SGCA: variants seen among roughly 807,000 people sequenced by gnomAD.
SGCA encodes alpha-sarcoglycan.
SGCA carries 34 observed loss-of-function variants against 38.1 expected under a neutral mutation model. That is an observed-to-expected ratio of 0.89 (90% confidence interval 0.68 to 1.19). SGCA has a LOEUF of 1.19. SGCA is among the 50% of genes most tolerant of loss of function. The pLI, the probability that SGCA is intolerant of heterozygous loss-of-function variation, is 0.00. For synonymous variants in SGCA, 209 were observed against 214.6 expected, an observed-to-expected ratio of 0.97 and a Z score of 0.23; for missense variants, 476 against 524.9, an observed-to-expected ratio of 0.91 and a Z score of 0.91.
At chr17:50,170,970 A>G (rs1382648860) in intron 8 of SGCA, among the ~76,000 whole-genome samples, 1 of 152,156 alleles carries the variant, frequency 6.6e-6, no homozygotes, top group East Asian at 1.9e-4. Flanking sequence ...AGGCTGAGAT[A>G]GGAGAATCGC....
intron 6 of SGCA, chr17:50,169,708 A>G (rs1905221180): frequency 3.0e-6 from 1 of 331,072 alleles, no homozygotes; most frequent in African/African-American, 2.1e-5. Flanking sequence ...CTCTTTGGAT[A>G]CTGAGCTGAG....
At chr17:50,174,653 T>C in intron 8 of SGCA, among the ~76,000 whole-genome samples, 1 of 151,120 alleles carries the variant, frequency 6.6e-6, no homozygotes, top group East Asian at 2.0e-4. Flanking sequence ...GGCCTGGTGG[T>C]AGGTGTTATT....
chr17:50,175,621 A>G lies in SGCA; in HGVS notation c.*13-91A>G. On this transcript the variant is annotated intron_variant, in intron 9 of 9. Transcript: ENST00000262018. ...CACCAGTGCCAGGGCTATGACCCCA[A>G]TGCCAAGCACTCGCAGTTGGAGTGT... is the stretch of plus-strand genomic sequence containing the variant. 5.7e-6 allele frequency: 4 copies of G among 705,656 alleles called. No homozygotes were observed. In the Admixed American group the frequency reaches 6.0e-5, roughly 11 times the overall value. 43.7% of individuals were successfully genotyped at this position (705,656 alleles called of 1,614,324 possible). A position where few individuals can be genotyped will look rare whatever the true frequency, so the allele number is the denominator to read the frequency against.
Position 50,175,879 on chromosome 17 carries a change from T to C in SGCA, c.*180T>C. The C allele has an allele frequency of 2.2e-6, 1 of 461,676 alleles. No homozygotes were observed. The highest frequency in any genetic ancestry group is 1.5e-5 in the South Asian group (1 of 64,598). 28.6% of individuals were successfully genotyped at this position (461,676 alleles called of 1,614,324 possible). ...GTGTGTGGAGTAAGGACATTCAGAA[T>C]AAATATCTGCTGCTCTGCTCACCAA... On this transcript the variant is annotated 3_prime_UTR_variant, in exon 10 of 10. Transcript: ENST00000262018.
chr17:50,167,831 C>A lies in SGCA; in HGVS notation c.312+95C>A. ...TTGGGATTGGGTGCTCATTCACAGTCATTTACATATAATTTACATACCTCT... is the reference window on the plus strand; with the variant it reads ...TTGGGATTGGGTGCTCATTCACAGTAATTTACATATAATTTACATACCTCT... On this transcript the variant is annotated intron_variant, in intron 3 of 9. Coordinates refer to ENST00000262018, the MANE Select transcript of SGCA (RefSeq NM_000023.4). The surrounding 1 kb of genome is among the most constrained non-coding windows in gnomAD (Gnocchi z 4.5). The A allele has an allele frequency of 6.5e-7, 1 of 1,541,448 alleles. No homozygotes were observed. Among genetic ancestry groups the A allele is most frequent in the South Asian group, 1.1e-5 (1 of 89,520 alleles).
chr17:50,167,016 C>T lies in SGCA; in HGVS notation c.38-352C>T, dbSNP rs1231021896. 6.9e-6 allele frequency among the ~76,000 whole-genome samples: 1 copy of T among 144,698 alleles called. No individual in the cohort carries two copies. Among genetic ancestry groups the T allele is most frequent in the African/African-American group, 2.6e-5 (1 of 39,068 alleles). 94.9% of individuals were successfully genotyped at this position (144,698 alleles called of 152,430 possible). Reference sequence around the variant, plus strand: ...ACATCCTCACAGACCCTCACACATACCTTCACACACACACCCCCCCACATC... The same window carrying T: ...ACATCCTCACAGACCCTCACACATATCTTCACACACACACCCCCCCACATC... On this transcript the variant is annotated intron_variant, in intron 1 of 9. Coordinates refer to ENST00000262018, the MANE Select transcript of SGCA (RefSeq NM_000023.4). This position sits in a 1 kb window ranked among gnomAD's most constrained non-coding sequence, Gnocchi z 4.5.
intron 8 of SGCA, 170 bp from the exon 9 acceptor site, chr17:50,175,087 A>G: frequency 1.4e-6 from 1 of 715,016 alleles, no homozygotes; most frequent in Non-Finnish European, 2.5e-6. Context: ...ATGAGCCACC[A>G]CGCCCGGCCC....
rs769688229 is a variant in SGCA, at chr17:50,170,184, C to A, written c.789C>A (p.Thr263=). ...SVPEPADEVP[T]PGDGILEHDP... is the part of the protein sequence containing the mutation. ...CGGAGCCTGCAGATGAGGTGCCCACCCCAGGTGATGGGATCCTGGAGCATG... is the reference window on the plus strand; with the variant it reads ...CGGAGCCTGCAGATGAGGTGCCCACACCAGGTGATGGGATCCTGGAGCATG... The change falls in exon 7 of 10, where the codon ACC becomes ACA. Residue 263 remains threonine (T), a synonymous_variant. Transcript: ENST00000262018. The A allele has an allele frequency of 8.7e-6, 14 of 1,613,998 alleles. No individual in the cohort carries two copies. The African/African-American group carries it at 1.6e-4, about 18-fold the overall frequency.
Position 50,167,036 on chromosome 17 carries a change from C to A in SGCA, c.38-332C>A, listed in dbSNP as rs905362655. 3.3e-5 allele frequency among the ~76,000 whole-genome samples: 5 copies of A among 149,652 alleles called. No individual in the cohort carries two copies. The highest frequency in any genetic ancestry group is 1.3e-4 in the Admixed American group (2 of 15,024). On this transcript the variant is annotated intron_variant, in intron 1 of 9. Transcript: ENST00000262018. This position sits in a 1 kb window ranked among gnomAD's most constrained non-coding sequence, Gnocchi z 4.5. ...ACATACCTTCACACACACACCCCCC[C>A]ACATCCCCTCACACACACACACACC...
At chr17:50,171,913 G>A (rs1905451038) in intron 8 of SGCA, 2 of 456,778 alleles carry the variant, frequency 4.4e-6, no homozygotes, top group South Asian at 3.1e-5. Context: ...TGGCACAGGT[G>A]CGTTGCCCAG....
Position 50,167,532 on chromosome 17 carries a change from C to G in SGCA, c.157+45C>G. The stretch of plus-strand genomic sequence containing the variant: ...CCCAGGCGGGCGGGCTGGGGTGTAC[C>G]CCGCAGGGCTCCTGCTGTGACTCGA... On this transcript the variant is annotated intron_variant, in intron 2 of 9. Transcript: ENST00000262018. The surrounding 1 kb of genome is among the most constrained non-coding windows in gnomAD (Gnocchi z 4.5). The G allele has an allele frequency of 6.2e-7, 1 of 1,614,046 alleles. No homozygotes were observed. The highest frequency in any genetic ancestry group is 8.5e-7 in the Non-Finnish European group (1 of 1,180,014).
intron 8 of SGCA, chr17:50,171,441 G>A (rs965659794): frequency 2.2e-6 from 1 of 452,088 alleles, no homozygotes; most frequent in African/African-American, 2.0e-5. Flanking sequence ...AATAAGTTAT[G>A]TTCCTTTTAT....
chr17:50,174,842 A>T (rs1335115395), intron 8 of SGCA, among the ~76,000 whole-genome samples: 1 of 151,348 alleles, frequency 6.6e-6, no homozygotes, highest in Non-Finnish European at 1.5e-5. Flanking sequence ...TTACTTTGAG[A>T]TGGAGTCTCT....
intron 8 of SGCA, chr17:50,171,527 A>G (rs1427445838): frequency 2.8e-5 from 13 of 456,668 alleles, no homozygotes; most frequent in Middle Eastern, 3.2e-4. Flanking sequence ...TTGCAGTGGC[A>G]CTTGGCCACC....
At chr17:50,168,084 G>C in intron 4 of SGCA, 65 bp downstream of exon 4, 2 of 1,472,866 alleles carry the variant, frequency 1.4e-6, no homozygotes, top group Non-Finnish European at 1.9e-6. Context: ...CTCCCGGAGG[G>C]GGAGGGGGCT....
intron 4 of SGCA, 85 bp from the exon 5 acceptor site, chr17:50,168,289 G>C (rs1179410789): frequency 2.5e-6 from 3 of 1,204,726 alleles, no homozygotes; most frequent in Admixed American, 2.0e-5. Flanking sequence ...GGGGTGTGCA[G>C]GGATGTGGGG....
At position 50,167,369 on chromosome 17, in the gene SGCA, TCTC is replaced by T. The variant is rs1345929320; in HGVS notation, c.42_44del (p.Leu15del). 6.2e-7 allele frequency: 1 copy of T among 1,613,930 alleles called. No homozygotes were observed. The highest frequency in any genetic ancestry group is 8.5e-7 in the Non-Finnish European group (1 of 1,179,956). On this transcript the variant is annotated inframe_deletion and splice_region_variant, in exon 2 of 10. Transcript: ENST00000262018. This position sits in a 1 kb window ranked among gnomAD's most constrained non-coding sequence, Gnocchi z 4.5. ...TTGGGACTTGTGGGGTCCCCACAGT[TCTC>T]CTGGCAGGGCTGGGGGACACCGAGG...
chr17:50,167,315 C>T lies in SGCA; in HGVS notation c.38-53C>T, dbSNP rs1419592289. ...CTTGGTGGGGAAGGGAGCTTATCCC[C>T]TGCCCAGGACTGAGGCTGGCCTGTG... On this transcript the variant is annotated intron_variant, in intron 1 of 9. Transcript: ENST00000262018. The surrounding 1 kb of genome is among the most constrained non-coding windows in gnomAD (Gnocchi z 4.5). 5 of 1,612,554 alleles carry T rather than the reference C, an allele frequency of 3.1e-6. No homozygotes were observed. Among genetic ancestry groups the T allele is most frequent in the Non-Finnish European group, 4.2e-6 (5 of 1,179,512 alleles).
At chr17:50,172,070 G>T (rs1365640478) in intron 8 of SGCA, 1 of 453,964 alleles carries the variant, frequency 2.2e-6, no homozygotes, top group Non-Finnish European at 4.5e-6. Context: ...AGGACCTCCA[G>T]GGCGGCTGGA....
Sources: gnomAD v4.1 joint callset for allele counts (sites outside exome capture counted in the v4.1 genomes callset) on GRCh38, gnomAD v4.1.1 for gene constraint, Gnocchi (gnomAD v3.1) non-coding constraint, MANE v1.5 for transcripts, NCBI Gene and HGNC (gene_info 2026-07-23, HGNC 2026-07-21) for gene names.